The following CADPS2 variants were observed in gnomAD, a reference collection of about 807,000 sequenced individuals.
The protein encoded by CADPS2 is calcium-dependent secretion activator 2.
A neutral mutation model predicts 172.5 loss-of-function variants in CADPS2; 93 were observed. That is an observed-to-expected ratio of 0.54 (90% CI 0.46 to 0.64). The LOEUF is 0.64. Ranked by LOEUF, CADPS2 falls within the 30% of genes least tolerant of loss-of-function variation. The pLI, the probability that CADPS2 is intolerant of heterozygous loss-of-function variation, is 0.00. For missense variants in CADPS2, 1,420 were observed against 1,565.9 expected (o/e 0.91, Z 1.57); for synonymous variants, 546 against 555.2 (o/e 0.98, Z 0.23).
intron 1 of CADPS2, among the ~76,000 whole-genome samples, chr7:122,845,325 T>G (rs1263361587): frequency 6.6e-6 from 1 of 152,132 alleles, no homozygotes; most frequent in African/African-American, 2.4e-5. Context: ...GCTTCTTGCC[T>G]AGCATGAGAT....
intron 2 of CADPS2, among the ~76,000 whole-genome samples, chr7:122,719,196 G>A (rs1480424639): frequency 2.6e-5 from 4 of 151,906 alleles, no homozygotes; most frequent in Non-Finnish European, 5.9e-5. Context: ...CTTGACTGGT[G>A]CCAAGAGCTC....
chr7:122,634,421 T>G (rs1022312646), intron 3 of CADPS2, among the ~76,000 whole-genome samples: 1 of 152,190 alleles, frequency 6.6e-6, no homozygotes, highest in African/African-American at 2.4e-5. Flanking sequence ...CTCCCAGTAA[T>G]TTATCCATTT....
At chr7:122,497,889 A>T (rs189464932) in intron 9 of CADPS2, among the ~76,000 whole-genome samples, 1 of 152,306 alleles carries the variant, frequency 6.6e-6, no homozygotes, top group Admixed American at 6.5e-5. Context: ...TTTTGAAGAT[A>T]TTCCATTGTC....
intron 27 of CADPS2, 52 bp downstream of exon 27, chr7:122,360,736 T>C: frequency 4.0e-6 from 6 of 1,504,302 alleles, no homozygotes; most frequent in Non-Finnish European, 5.4e-6. Context: ...GAACTGCAAT[T>C]TTTTTTTAAA....
chr7:122,379,929 C>T (rs2151356699), intron 24 of CADPS2, among the ~76,000 whole-genome samples: 1 of 152,182 alleles, frequency 6.6e-6, no homozygotes, highest in African/African-American at 2.4e-5. Flanking sequence ...TTTTTGTCAG[C>T]ACAGGGAGCA....
At chr7:122,336,421 G>T (rs10280031) in intron 28 of CADPS2, among the ~76,000 whole-genome samples, 3,131 of 152,310 alleles carry the variant, frequency 0.021, 102 homozygotes, top group African/African-American at 0.071. Flanking sequence ...TGATAGAAAT[G>T]CTGGTCTCAG....
chr7:122,761,177 G>A (rs1464529977), intron 1 of CADPS2, among the ~76,000 whole-genome samples: 2 of 152,122 alleles, frequency 1.3e-5, no homozygotes, highest in East Asian at 1.9e-4. Context: ...GAAAAAGAGG[G>A]TCTCCAGCCT....
intron 2 of CADPS2, among the ~76,000 whole-genome samples, chr7:122,680,229 T>C (rs2082878738): frequency 6.6e-6 from 1 of 152,228 alleles, no homozygotes; most frequent in African/African-American, 2.4e-5. Context: ...TCCCATTTCT[T>C]TACCTATCAA....
intron 3 of CADPS2, among the ~76,000 whole-genome samples, chr7:122,641,596 A>G (rs1455377168): frequency 6.6e-6 from 1 of 152,218 alleles, no homozygotes; most frequent in Non-Finnish European, 1.5e-5. Context: ...ATTTCATTCT[A>G]GGAAAGGCCA....
intron 3 of CADPS2, among the ~76,000 whole-genome samples, chr7:122,661,386 A>C (rs1353998257): frequency 1.3e-5 from 2 of 152,192 alleles, no homozygotes; most frequent in Admixed American, 6.5e-5. Flanking sequence ...TAGTAGGCAG[A>C]CAACTTAAAC....
intron 5 of CADPS2, among the ~76,000 whole-genome samples, chr7:122,620,837 A>G (rs1445421362): frequency 3.9e-5 from 6 of 152,152 alleles, no homozygotes; most frequent in Admixed American, 2.6e-4. Flanking sequence ...AATTACAAAG[A>G]ATTCAATTAT....
At chr7:122,511,510 C>G (rs1351191673) in intron 9 of CADPS2, among the ~76,000 whole-genome samples, 2 of 152,122 alleles carry the variant, frequency 1.3e-5, no homozygotes, top group Non-Finnish European at 2.9e-5. Flanking sequence ...AAACCAGCGA[C>G]TAATGCAAAT....
chr7:122,810,680 T>C (rs552537686), intron 1 of CADPS2, among the ~76,000 whole-genome samples: 2 of 152,294 alleles, frequency 1.3e-5, no homozygotes, highest in African/African-American at 2.4e-5. Context: ...GGAATTTGCT[T>C]TTTTAGCTCA....
At chr7:122,734,356 TAAAAAAAAAAA>T (rs558421546) in intron 2 of CADPS2, among the ~76,000 whole-genome samples, 38 of 46,276 alleles carry the variant, frequency 8.2e-4, no homozygotes, top group South Asian at 1.2e-3. Context: ...CCAGAAATAG[TAAAAAAAAAAA>T]AAAAAAAAAA....
chr7:122,419,838 C>T (rs2048343231), intron 17 of CADPS2, among the ~76,000 whole-genome samples: 1 of 151,804 alleles, frequency 6.6e-6, no homozygotes, highest in Non-Finnish European at 1.5e-5. Flanking sequence ...TACTTCCGTG[C>T]TAGGGACTAG....
At chr7:122,613,835 C>T (rs1171080570) in intron 6 of CADPS2, among the ~76,000 whole-genome samples, 2 of 151,912 alleles carry the variant, frequency 1.3e-5, no homozygotes, top group African/African-American at 4.8e-5. Context: ...CGCTTGGATG[C>T]TTACTAAGTA....
intron 9 of CADPS2, among the ~76,000 whole-genome samples, chr7:122,499,670 CAGAAA>C (rs752779240): frequency 1.3e-5 from 2 of 152,068 alleles, no homozygotes; most frequent in South Asian, 2.1e-4. Flanking sequence ...CACTACATTT[CAGAAA>C]AGAAAAGAAG....
intron 1 of CADPS2, among the ~76,000 whole-genome samples, chr7:122,755,382 G>C (rs1407441043): frequency 6.6e-6 from 1 of 152,134 alleles, no homozygotes; most frequent in Non-Finnish European, 1.5e-5. Context: ...GCAATGAGTA[G>C]CTAAAACCAA....
intron 24 of CADPS2, among the ~76,000 whole-genome samples, chr7:122,380,770 T>G (rs1021237035): frequency 4.6e-5 from 7 of 152,112 alleles, no homozygotes; most frequent in Admixed American, 2.0e-4. Flanking sequence ...TGGGCACATA[T>G]TGCACCCACT....
Sources: allele counts gnomAD v4.1 joint callset (sites outside exome capture counted in the v4.1 genomes callset), GRCh38; gene constraint gnomAD v4.1.1; transcripts MANE v1.5; gene names NCBI Gene and HGNC (gene_info 2026-07-23, HGNC 2026-07-21).